Variants in POC1B observed in about 807,000 individuals in gnomAD.
The protein encoded by POC1B is POC1 centriolar protein B.
Under a neutral mutation model 60.6 loss-of-function variants are expected in POC1B, and 44 were observed. The observed-to-expected ratio is 0.73, with a 90% confidence interval of 0.57 to 0.93. The LOEUF (loss-of-function observed/expected upper bound fraction) is 0.93. Among genes scored for constraint, POC1B ranks in the 40% least tolerant of loss-of-function variants. The pLI, the probability that POC1B is intolerant of heterozygous loss-of-function variation, is 0.00. For synonymous variants in POC1B, 180 were observed against 198.9 expected, an observed-to-expected ratio of 0.90 and a Z score of 0.80; for missense variants, 555 against 572.3, an observed-to-expected ratio of 0.97 and a Z score of 0.31.
intron 2 of POC1B, among the ~76,000 whole-genome samples, chr12:89,508,183 G>C (rs1869993534): frequency 6.6e-6 from 1 of 152,252 alleles, no homozygotes; most frequent in East Asian, 1.9e-4. Flanking sequence ...TTGCTATTCT[G>C]CATTTTGCCT....
intron 10 of POC1B, chr12:89,425,585 G>A (rs933867917): frequency 7.0e-6 from 3 of 428,406 alleles, no homozygotes; most frequent in African/African-American, 6.1e-5. Flanking sequence ...ACAGTGAATA[G>A]AGACAATTTC....
At chr12:89,450,668 T>A (rs913941855) in intron 10 of POC1B, among the ~76,000 whole-genome samples, 3 of 152,218 alleles carry the variant, frequency 2.0e-5, no homozygotes, top group Admixed American at 6.5e-5. Context: ...ATAAACTTGA[T>A]AACATCTTTT....
rs1447854987 is a variant in POC1B, at chr12:89,440,581, G to A, written c.1114-15202C>T. Among the ~76,000 whole-genome samples the A allele has an allele frequency of 2.0e-5, 3 of 152,096 alleles. No homozygotes were observed. The East Asian group carries it at 5.8e-4, about 29-fold the overall frequency. On this transcript the variant is annotated intron_variant, in intron 10 of 11. Transcript: ENST00000313546. ...AAAATTCATTTCTCCTTACACTTAG[G>A]AAAAAAATTTTCAGCCTGACCAATA...
chr12:89,518,513 A>G (rs1239872862), intron 2 of POC1B, among the ~76,000 whole-genome samples: 1 of 152,170 alleles, frequency 6.6e-6, no homozygotes, highest in African/African-American at 2.4e-5. Flanking sequence ...GTATTTTTAA[A>G]AACTGAGATA....
chr12:89,518,557 G>A (rs1043914369), intron 2 of POC1B, among the ~76,000 whole-genome samples: 3 of 122,990 alleles, frequency 2.4e-5, no homozygotes, highest in Non-Finnish European at 3.5e-5. Flanking sequence ...GTCTTTTAAA[G>A]TACACCAGTG....
chr12:89,500,886 T>C, intron 2 of POC1B: 1 of 1,054,440 alleles, frequency 9.5e-7, no homozygotes, highest in Non-Finnish European at 1.4e-6. Flanking sequence ...TAAAAAAAGT[T>C]TTTCAACATT....
intron 2 of POC1B, chr12:89,523,513 C>A: frequency 1.2e-6 from 2 of 1,610,840 alleles, no homozygotes; most frequent in Non-Finnish European, 1.7e-6. Flanking sequence ...ACCACACTGC[C>A]ACACCCTAAA....
At chr12:89,470,339 G>A (rs1882840435) in intron 7 of POC1B, 22 bp downstream of exon 7, 1 of 1,286,400 alleles carries the variant, frequency 7.8e-7, no homozygotes, top group Non-Finnish European at 1.0e-6. Flanking sequence ...TATATAAAAA[G>A]CAAGAATCTG....
chr12:89,525,926 G>T lies in POC1B; in HGVS notation c.-31C>A, dbSNP rs200496430. ...GAGTGGTCGGCCCAAGGCTCCTGTG[G>T]GTGGGGGAACCCGGAGAGGGGAGGG... is the stretch of plus-strand genomic sequence containing the variant. On this transcript the variant is annotated 5_prime_UTR_variant, in exon 1 of 12. Coordinates refer to ENST00000313546, the MANE Select transcript of POC1B (RefSeq NM_172240.3). The T allele has an allele frequency of 6.5e-7, 1 of 1,528,796 alleles. No homozygotes were observed. Among genetic ancestry groups the T allele is most frequent in the South Asian group, 1.2e-5 (1 of 81,102 alleles). The allele number at this position is 1,528,796 out of a possible 1,614,324, so 94.7% of individuals were successfully genotyped here. A position where few individuals can be genotyped will look rare whatever the true frequency, so the allele number is the denominator to read the frequency against.
intron 10 of POC1B, among the ~76,000 whole-genome samples, chr12:89,434,511 T>A (rs1157151658): frequency 6.6e-6 from 1 of 152,226 alleles, no homozygotes; most frequent in Non-Finnish European, 1.5e-5. Context: ...TTTCACTTCT[T>A]ATATGATTAA....
intron 2 of POC1B, chr12:89,524,893 C>T: frequency 2.8e-6 from 2 of 708,908 alleles, no homozygotes; most frequent in Non-Finnish European, 4.6e-6. Context: ...GTCCGCCAGG[C>T]CCAGACCGCT....
chr12:89,512,487 G>A (rs909640792), intron 2 of POC1B, among the ~76,000 whole-genome samples: 12 of 152,166 alleles, frequency 7.9e-5, no homozygotes, highest in African/African-American at 2.4e-4. Flanking sequence ...GCCCAGGCAC[G>A]GTGGCTCATG....
At chr12:89,440,873 A>G (rs1881482872) in intron 10 of POC1B, among the ~76,000 whole-genome samples, 1 of 152,250 alleles carries the variant, frequency 6.6e-6, no homozygotes, top group African/African-American at 2.4e-5. Context: ...AGCCAAGGGA[A>G]GCCATGACAG....
At chr12:89,402,092 T>C in the POC1B span, among the ~76,000 whole-genome samples, 1 of 152,212 alleles carries the variant, frequency 6.6e-6, no homozygotes, top group Non-Finnish European at 1.5e-5. Context: ...CCGGTGCCTG[T>C]TCCACAGCAG....
intron 2 of POC1B, chr12:89,524,504 C>G (rs1000683978): frequency 6.2e-7 from 1 of 1,612,480 alleles, no homozygotes; most frequent in African/African-American, 1.3e-5. Flanking sequence ...GTTAAAAACG[C>G]CAGCAGCAGG....
rs756144303 is a variant in POC1B at position 89,467,664 on chromosome 12, A to G, written c.832T>C (p.Phe278Leu). The G allele has an allele frequency of 3.1e-6, 5 of 1,612,204 alleles. No individual in the cohort carries two copies. Among genetic ancestry groups the G allele is most frequent in the African/African-American group, 1.3e-5 (1 of 75,010 alleles). The change falls in exon 8 of 12, where the codon TTT becomes CTT. Residue 278 changes from phenylalanine to leucine, a missense_variant. Transcript: ENST00000313546. ...GHTGPVFTVSFSKGGELFASG... is the reference protein window; with the variant it reads ...GHTGPVFTVSLSKGGELFASG... ...GCAAATAGCTCTCCACCTTTTGAAA[A>G]TGAAACAGTAAAGACAGGTCCCTGA...
chr12:89,415,977 C>T (rs1344422327), downstream of POC1B, among the ~76,000 whole-genome samples: 2 of 152,178 alleles, frequency 1.3e-5, no homozygotes, highest in Non-Finnish European at 2.9e-5. Context: ...TTCTTCCAGC[C>T]CACCCGCCCT....
intron 10 of POC1B, among the ~76,000 whole-genome samples, chr12:89,439,221 A>C (rs1413789197): frequency 6.6e-6 from 1 of 152,188 alleles, no homozygotes; most frequent in African/African-American, 2.4e-5. Context: ...AAACGCCTGC[A>C]TGCCTGATTC....
intron 2 of POC1B, chr12:89,523,387 T>G: frequency 6.2e-7 from 1 of 1,614,080 alleles, no homozygotes. Context: ...TTTGTATTCA[T>G]CCATCCAAAC....
Sources: gnomAD v4.1 joint callset for allele counts (sites outside exome capture counted in the v4.1 genomes callset) on GRCh38, gnomAD v4.1.1 for gene constraint, MANE v1.5 for transcripts, NCBI Gene and HGNC (gene_info 2026-07-23, HGNC 2026-07-21) for gene names.